Variants in CDADC1 observed in about 807,000 individuals in gnomAD.
CDADC1 encodes the protein dCTP deaminase.
A neutral mutation model predicts 54.9 loss-of-function variants in CDADC1; 39 were observed. The observed-to-expected ratio is 0.71, with a 90% CI of 0.55 to 0.93. CDADC1 has a LOEUF of 0.93. Ranked by LOEUF, CDADC1 falls within the 40% of genes least tolerant of loss-of-function variation. The pLI, the probability that CDADC1 is intolerant of heterozygous loss-of-function variation, is 0.00. For missense variants in CDADC1, 518 were observed against 618.8 expected (o/e 0.84, Z 1.73); for synonymous variants, 186 against 204.0 (o/e 0.91, Z 0.75).
At chr13:49,285,304 G>T (rs946852674) in intron 8 of CDADC1, among the ~76,000 whole-genome samples, 2 of 151,034 alleles carry the variant, frequency 1.3e-5, no homozygotes, top group South Asian at 4.2e-4. Context: ...TCAGCCTCTC[G>T]AGTAGCTGGG....
intron 2 of CDADC1, among the ~76,000 whole-genome samples, chr13:49,249,717 A>C (rs1230577177): frequency 6.6e-6 from 1 of 152,114 alleles, no homozygotes; most frequent in Non-Finnish European, 1.5e-5. Context: ...TGGGTGACAG[A>C]GCAAGACTCC....
chr13:49,267,860 A>G lies in CDADC1; in HGVS notation c.801A>G (p.Pro267=). The G allele has an allele frequency of 6.2e-7, 1 of 1,614,150 alleles. No homozygotes were observed. Among genetic ancestry groups the G allele is most frequent in the Non-Finnish European group, 8.5e-7 (1 of 1,180,018 alleles). The change falls in exon 5 of 10, where the codon CCA becomes CCG. Residue 267 remains proline (P), a synonymous_variant. Transcript: ENST00000251108. ...GTTTGGAGAACCTGTGTGAAAATCC[A>G]TACTTTAGCAATCTAAGGCAAAACA... ...TIGLENLCEN[P]YFSNLRQNMK... is the part of the protein sequence containing the mutation.
chr13:49,249,227 A>G (rs1049786331), intron 2 of CDADC1, among the ~76,000 whole-genome samples: 2 of 152,204 alleles, frequency 1.3e-5, no homozygotes, highest in African/African-American at 4.8e-5. Flanking sequence ...TATTGTCTAT[A>G]CCACATAATT....
At chr13:49,248,476 G>T (rs1952347224) in intron 1 of CDADC1, 1 of 335,966 alleles carries the variant, frequency 3.0e-6, no homozygotes, top group African/African-American at 2.1e-5. Context: ...GAAGGTCAGC[G>T]CATTTTTCGG....
At chr13:49,284,014 A>T (rs779667267) in intron 8 of CDADC1, among the ~76,000 whole-genome samples, 1 of 152,250 alleles carries the variant, frequency 6.6e-6, no homozygotes, top group Non-Finnish European at 1.5e-5. Flanking sequence ...AGATTAAAGC[A>T]AATTGAAATT....
intron 2 of CDADC1, among the ~76,000 whole-genome samples, chr13:49,255,482 A>G (rs1214177192): frequency 6.6e-6 from 1 of 152,156 alleles, no homozygotes; most frequent in Non-Finnish European, 1.5e-5. Flanking sequence ...TATCTTCTCA[A>G]TTCCAGTTAA....
chr13:49,250,981 A>G (rs150471823), intron 2 of CDADC1, among the ~76,000 whole-genome samples: 408 of 152,196 alleles, frequency 2.7e-3, no homozygotes, highest in Non-Finnish European at 4.3e-3. Context: ...TTAATAGTTT[A>G]GTATTATTTT....
At chr13:49,280,385 C>A in intron 7 of CDADC1, 124 bp from the exon 8 acceptor site, 1 of 435,758 alleles carries the variant, frequency 2.3e-6, no homozygotes, top group East Asian at 3.5e-5. Context: ...GCTTGATGAT[C>A]ATTATTAATA....
intron 1 of CDADC1, 173 bp downstream of exon 1, chr13:49,248,292 C>T (rs1593777923): frequency 6.9e-6 from 4 of 580,072 alleles, no homozygotes; most frequent in African/African-American, 3.7e-5. Flanking sequence ...CCAATCGGCT[C>T]GGTCGCACTG....
At chr13:49,289,146 T>TA (rs1953620194) in intron 9 of CDADC1, among the ~76,000 whole-genome samples, 1 of 117,306 alleles carries the variant, frequency 8.5e-6, no homozygotes, top group African/African-American at 3.0e-5. Flanking sequence ...TTTTTTTTTT[T>TA]ATGACGGAGT....
intron 8 of CDADC1, 107 bp downstream of exon 8, chr13:49,280,805 AATTATTATTATT>A (rs10626538): frequency 3.1e-5 from 7 of 228,266 alleles, no homozygotes; most frequent in African/African-American, 4.9e-5. Context: ...AGTTTCAACA[AATTATTATTATT>A]ATTATTATTA....
At chr13:49,286,169 T>C in intron 8 of CDADC1, 53 bp from the exon 9 acceptor site, 1 of 1,330,556 alleles carries the variant, frequency 7.5e-7, no homozygotes, top group Non-Finnish European at 1.1e-6. Context: ...TGTGCTGGAA[T>C]GCTATGTATT....
intron 9 of CDADC1, among the ~76,000 whole-genome samples, chr13:49,286,719 C>T (rs1236909579): frequency 1.3e-5 from 2 of 152,150 alleles, no homozygotes; most frequent in African/African-American, 4.8e-5. Context: ...GTTCTGGTAA[C>T]TTGAATAATC....
intron 5 of CDADC1, among the ~76,000 whole-genome samples, chr13:49,272,765 C>T (rs1451464448): frequency 6.7e-6 from 1 of 149,474 alleles, no homozygotes; most frequent in Non-Finnish European, 1.5e-5. Context: ...TTAAGCAATT[C>T]TCCTGCCTCA....
chr13:49,261,060 G>A (rs1952672680), intron 4 of CDADC1, among the ~76,000 whole-genome samples: 1 of 152,234 alleles, frequency 6.6e-6, no homozygotes, highest in South Asian at 2.1e-4. Context: ...TTGGAGAACA[G>A]TGGCAGATGA....
chr13:49,260,868 G>C (rs1429256615), intron 4 of CDADC1, among the ~76,000 whole-genome samples: 1 of 152,192 alleles, frequency 6.6e-6, no homozygotes, highest in Non-Finnish European at 1.5e-5. Context: ...TGGTCTCAGA[G>C]GAGAAATAGT....
intron 4 of CDADC1, among the ~76,000 whole-genome samples, chr13:49,261,678 A>G (rs537612654): frequency 6.6e-6 from 1 of 152,346 alleles, no homozygotes; most frequent in East Asian, 1.9e-4. Context: ...AAGAACCAAA[A>G]CATTTGTTGG....
chr13:49,254,121 G>A (rs1181233189), intron 2 of CDADC1, among the ~76,000 whole-genome samples: 2 of 152,146 alleles, frequency 1.3e-5, no homozygotes, highest in Non-Finnish European at 1.5e-5. Flanking sequence ...TAAACATGCA[G>A]TAGATGTTAG....
intron 9 of CDADC1, among the ~76,000 whole-genome samples, chr13:49,287,636 G>A (rs976988759): frequency 5.3e-5 from 8 of 152,034 alleles, no homozygotes; most frequent in African/African-American, 1.4e-4. Context: ...TCATAAAAAG[G>A]TTAATTTATC....
Sources: gnomAD v4.1 joint callset for allele counts (sites outside exome capture counted in the v4.1 genomes callset) on GRCh38, gnomAD v4.1.1 for gene constraint, MANE v1.5 for transcripts, NCBI Gene and HGNC (gene_info 2026-07-23, HGNC 2026-07-21) for gene names.